Variants in AGBL1 observed in about 807,000 individuals in gnomAD.
AGBL1 encodes the protein AGBL carboxypeptidase 1.
Under a neutral mutation model 118.9 loss-of-function variants are expected in AGBL1, and 130 were observed. The ratio of observed to expected loss-of-function variants is 1.09; its 90% confidence interval spans 0.95 to 1.26. AGBL1 has a LOEUF of 1.26. Ranked by LOEUF, AGBL1 falls within the 50% of genes most tolerant of loss-of-function variation. The pLI, the probability that AGBL1 is intolerant of heterozygous loss-of-function variation, is 0.00. For synonymous variants in AGBL1, 555 were observed against 478.9 expected, an observed-to-expected ratio of 1.16 and a Z score of -2.08; for missense variants, 1,584 against 1,298.1, an observed-to-expected ratio of 1.22 and a Z score of -3.38.
At chr15:86,310,635 C>G (rs186257955) in intron 17 of AGBL1, among the ~76,000 whole-genome samples, 1 of 152,034 alleles carries the variant, frequency 6.6e-6, no homozygotes. Context: ...AGCCTGTGTT[C>G]GCAGGGGCTG....
intron 17 of AGBL1, among the ~76,000 whole-genome samples, chr15:86,308,396 A>G (rs2079872155): frequency 6.6e-6 from 1 of 152,228 alleles, no homozygotes; most frequent in South Asian, 2.1e-4. Context: ...ACACTGAGAG[A>G]AGATGTGGCC....
At chr15:86,901,842 A>G (rs2080216182) in intron 22 of AGBL1, among the ~76,000 whole-genome samples, 1 of 152,030 alleles carries the variant, frequency 6.6e-6, no homozygotes, top group Admixed American at 6.6e-5. Context: ...AGCATTTTAT[A>G]TATGTTTTTT....
At chr15:86,727,844 G>C (rs2086843583) in intron 22 of AGBL1, among the ~76,000 whole-genome samples, 1 of 152,170 alleles carries the variant, frequency 6.6e-6, no homozygotes, top group Non-Finnish European at 1.5e-5. Flanking sequence ...CTGAGGTCTA[G>C]AAAGGTTCAG....
intron 21 of AGBL1, among the ~76,000 whole-genome samples, chr15:86,571,171 A>G (rs77578388): frequency 1.3e-5 from 2 of 152,098 alleles, no homozygotes; most frequent in Admixed American, 6.5e-5. Context: ...GGGGGCCCCA[A>G]AGATGGAGTC....
intron 17 of AGBL1, among the ~76,000 whole-genome samples, chr15:86,325,246 G>A (rs1052424972): frequency 3.3e-5 from 5 of 152,168 alleles, no homozygotes; most frequent in Admixed American, 6.5e-5. Flanking sequence ...AGGAAGAAAT[G>A]TATGAAAAAT....
intron 18 of AGBL1, among the ~76,000 whole-genome samples, chr15:86,483,296 A>C (rs908327352): frequency 6.6e-6 from 1 of 152,196 alleles, no homozygotes; most frequent in Middle Eastern, 3.4e-3. Flanking sequence ...TCTTATCAGC[A>C]AGGAATGCTA....
At chr15:86,331,179 G>A (rs374734461) in intron 17 of AGBL1, among the ~76,000 whole-genome samples, 43 of 146,136 alleles carry the variant, frequency 2.9e-4, no homozygotes, top group East Asian at 1.0e-3. Context: ...AGCCAAGATC[G>A]TGCCATTGTA....
intron 17 of AGBL1, chr15:86,296,342 C>T (rs1445053520): frequency 6.6e-6 from 1 of 152,142 alleles, no homozygotes; most frequent in East Asian, 1.9e-4. Context: ...CCAGAAGATA[C>T]TGCCTTCCGT....
chr15:86,821,093 C>A (rs1256170864), intron 22 of AGBL1, among the ~76,000 whole-genome samples: 1 of 151,932 alleles, frequency 6.6e-6, no homozygotes, highest in Non-Finnish European at 1.5e-5. Context: ...AACTAAACAC[C>A]ACGTTTTCTC....
chr15:86,933,563 T>A (rs1431526906), intron 23 of AGBL1, among the ~76,000 whole-genome samples: 1 of 152,196 alleles, frequency 6.6e-6, no homozygotes, highest in Non-Finnish European at 1.5e-5. Flanking sequence ...TGGCCTTGCA[T>A]CAGTTAAACT....
intron 22 of AGBL1, among the ~76,000 whole-genome samples, chr15:86,714,674 T>C (rs2086611642): frequency 6.6e-6 from 1 of 151,990 alleles, no homozygotes; most frequent in Admixed American, 6.6e-5. Context: ...TACTGTGGAG[T>C]AAAGTCGTGA....
intron 18 of AGBL1, among the ~76,000 whole-genome samples, chr15:86,457,890 G>A (rs185858391): frequency 6.6e-6 from 1 of 152,302 alleles, no homozygotes; most frequent in African/African-American, 2.4e-5. Context: ...GGATTAGTGA[G>A]TGCCCCCGAT....
chr15:86,353,209 A>G (rs2080659279), intron 17 of AGBL1, among the ~76,000 whole-genome samples: 1 of 152,190 alleles, frequency 6.6e-6, no homozygotes, highest in Non-Finnish European at 1.5e-5. Flanking sequence ...AGTCAGTTGG[A>G]TTGGCTTTGG....
intron 23 of AGBL1, among the ~76,000 whole-genome samples, chr15:86,948,429 A>G (rs937309001): frequency 6.6e-5 from 10 of 152,258 alleles, no homozygotes; most frequent in African/African-American, 2.4e-4. Context: ...GAAGATAAAT[A>G]TAAGAATACT....
At chr15:86,173,102 G>A (rs1236017360) in intron 5 of AGBL1, 3 of 151,926 alleles carry the variant, frequency 2.0e-5, no homozygotes, top group Admixed American at 1.3e-4. Flanking sequence ...TTGGTGATTC[G>A]TGATAGTGAG....
intron 22 of AGBL1, among the ~76,000 whole-genome samples, chr15:86,823,593 T>G (rs145212253): frequency 2.6e-4 from 39 of 152,194 alleles, no homozygotes; most frequent in African/African-American, 9.1e-4. Context: ...TAAACTAAAA[T>G]AAATTGCAAG....
intron 22 of AGBL1, among the ~76,000 whole-genome samples, chr15:86,756,409 C>T (rs1318078997): frequency 3.3e-5 from 5 of 151,876 alleles, no homozygotes; most frequent in Non-Finnish European, 5.9e-5. Flanking sequence ...CTCATCAGTT[C>T]ATAAGATAGA....
Position 86,262,884 on chromosome 15 carries a change from A to G in AGBL1, c.1076A>G (p.Tyr359Cys). The part of the protein sequence containing the change: ...QYEVMCLELS[Y>C]SFEELQSKLG... The stretch of plus-strand genomic sequence containing the variant: ...GAGGTGATGTGTCTTGAGCTCTCCT[A>G]TAGCTTTGAGGTAGGACATATGCTG... The change falls in exon 10 of 23, where the codon TAT becomes TGT. Residue 359 changes from tyrosine to cysteine, a missense_variant. Coordinates refer to ENST00000614907, the MANE Select transcript of AGBL1 (RefSeq NM_001386094.1). 6.2e-7 allele frequency: 1 copy of G among 1,604,392 alleles called. No homozygotes were observed. Among genetic ancestry groups the G allele is most frequent in the Non-Finnish European group, 8.5e-7 (1 of 1,174,778 alleles).
At chr15:86,732,598 G>C (rs1348078588) in intron 22 of AGBL1, among the ~76,000 whole-genome samples, 1 of 152,146 alleles carries the variant, frequency 6.6e-6, no homozygotes. Flanking sequence ...TTAAGTTCTT[G>C]AATATGGGGT....
Sources: gnomAD v4.1 joint callset for allele counts (sites outside exome capture counted in the v4.1 genomes callset) on GRCh38, gnomAD v4.1.1 for gene constraint, MANE v1.5 for transcripts, NCBI Gene and HGNC (gene_info 2026-07-23, HGNC 2026-07-21) for gene names.